Variants in ENTREP2 observed in about 807,000 individuals in gnomAD.
The protein encoded by ENTREP2 is protein ENTREP2.
At chr15:29,653,808 T>C in the ENTREP2 span, among the ~76,000 whole-genome samples, 4,351 of 152,304 alleles carry the variant, frequency 0.029, 95 homozygotes, top group Middle Eastern at 0.051. Context: ...TTTTTATTCT[T>C]GTCCTTAATA....
At chr15:29,601,597 G>A in the ENTREP2 span, among the ~76,000 whole-genome samples, 1 of 152,022 alleles carries the variant, frequency 6.6e-6, no homozygotes, top group African/African-American at 2.4e-5. Flanking sequence ...CACATGATCA[G>A]CTATGTCTTC....
At chr15:29,567,070 C>G in the ENTREP2 span, among the ~76,000 whole-genome samples, 1 of 152,186 alleles carries the variant, frequency 6.6e-6, no homozygotes, top group Non-Finnish European at 1.5e-5. Context: ...ATGAACACAG[C>G]TCATTACCTC....
the ENTREP2 span, chr15:29,269,794 T>C: frequency 8.0e-7 from 1 of 1,250,166 alleles, no homozygotes; most frequent in South Asian, 1.8e-5. Context: ...CGCCGGTGCC[T>C]GGAGGCGCGC....
At chr15:29,632,550 G>A in the ENTREP2 span, among the ~76,000 whole-genome samples, 510 of 152,262 alleles carry the variant, frequency 3.3e-3, 3 homozygotes, top group African/African-American at 0.011. Flanking sequence ...GGGAAGCTGA[G>A]GCAGGTGGAT....
chr15:29,222,750 C>T, the ENTREP2 span, among the ~76,000 whole-genome samples: 1 of 152,182 alleles, frequency 6.6e-6, no homozygotes, highest in African/African-American at 2.4e-5. Context: ...CCTGCAGGGC[C>T]ACCAGCTCCC....
the ENTREP2 span, among the ~76,000 whole-genome samples, chr15:29,481,519 C>T: frequency 2.6e-5 from 4 of 152,184 alleles, no homozygotes; most frequent in African/African-American, 9.7e-5. Context: ...GACGTACCCT[C>T]CACATCTGAG....
chr15:29,664,611 C>T, the ENTREP2 span, among the ~76,000 whole-genome samples: 6 of 152,038 alleles, frequency 3.9e-5, no homozygotes, highest in Admixed American at 6.6e-5. Flanking sequence ...CCAACACAAA[C>T]GCGCCCACTG....
the ENTREP2 span, among the ~76,000 whole-genome samples, chr15:29,584,694 G>C: frequency 6.6e-6 from 1 of 152,044 alleles, no homozygotes; most frequent in Non-Finnish European, 1.5e-5. Context: ...GTTGGTCAAA[G>C]GGCAAAAACT....
the ENTREP2 span, among the ~76,000 whole-genome samples, chr15:29,383,284 C>T: frequency 2.0e-5 from 3 of 152,196 alleles, no homozygotes; most frequent in Non-Finnish European, 4.4e-5. Flanking sequence ...AATGCAGCTG[C>T]AGCCTCCACC....
chr15:29,655,199 C>T, the ENTREP2 span, among the ~76,000 whole-genome samples: 1 of 152,126 alleles, frequency 6.6e-6, no homozygotes, highest in Non-Finnish European at 1.5e-5. Context: ...TTCCATGTGC[C>T]CTTTCTCTTT....
the ENTREP2 span, among the ~76,000 whole-genome samples, chr15:29,219,663 A>ATATATATG: frequency 8.2e-6 from 1 of 121,270 alleles, no homozygotes; most frequent in Non-Finnish European, 1.7e-5. Context: ...ATATATATAT[A>ATATATATG]TGATGGAATA....
chr15:29,232,492 G>A, the ENTREP2 span, among the ~76,000 whole-genome samples: 1 of 150,854 alleles, frequency 6.6e-6, no homozygotes, highest in Non-Finnish European at 1.5e-5. Context: ...GAGATGGGGG[G>A]TCTCATTTTT....
the ENTREP2 span, among the ~76,000 whole-genome samples, chr15:29,564,120 T>C: frequency 6.6e-6 from 1 of 152,156 alleles, no homozygotes; most frequent in Non-Finnish European, 1.5e-5. Flanking sequence ...GGAAAGTTCC[T>C]AATAAAGGGA....
At chr15:29,292,656 C>T in the ENTREP2 span, among the ~76,000 whole-genome samples, 9 of 152,204 alleles carry the variant, frequency 5.9e-5, no homozygotes, top group African/African-American at 1.4e-4. Flanking sequence ...GCTGGGATTA[C>T]AAGCATGAGC....
the ENTREP2 span, among the ~76,000 whole-genome samples, chr15:29,433,942 T>C: frequency 6.6e-6 from 1 of 152,198 alleles, no homozygotes; most frequent in African/African-American, 2.4e-5. Context: ...CATGCCCTGC[T>C]TCTATGTATT....
the ENTREP2 span, among the ~76,000 whole-genome samples, chr15:29,657,779 C>T: frequency 3.9e-5 from 6 of 152,022 alleles, no homozygotes; most frequent in African/African-American, 1.4e-4. Context: ...TCCACTAGAC[C>T]CAGGAAGTCC....
the ENTREP2 span, among the ~76,000 whole-genome samples, chr15:29,563,844 A>AAAATAAAT: frequency 3.0e-4 from 46 of 150,896 alleles, no homozygotes; most frequent in East Asian, 7.8e-4. Context: ...CTCAAAAATA[A>AAAATAAAT]AAATAAATAA....
chr15:29,261,961 AAAAG>A, the ENTREP2 span, among the ~76,000 whole-genome samples: 3,578 of 151,816 alleles, frequency 0.024, 156 homozygotes, highest in African/African-American at 0.082. Flanking sequence ...AAGGAAAGTA[AAAAG>A]AAAGGAAACA....
the ENTREP2 span, among the ~76,000 whole-genome samples, chr15:29,658,970 A>G: frequency 6.6e-6 from 1 of 152,246 alleles, no homozygotes; most frequent in African/African-American, 2.4e-5. Context: ...AAGAGCAATG[A>G]GACTCACTTC....
Sources: allele counts gnomAD v4.1 joint callset (sites outside exome capture counted in the v4.1 genomes callset), GRCh38; gene constraint gnomAD v4.1.1; transcripts MANE v1.5; gene names NCBI Gene and HGNC (gene_info 2026-07-23, HGNC 2026-07-21).